Variants in SOX6 observed in about 807,000 individuals in gnomAD.
The protein encoded by SOX6 is transcription factor SOX-6.
SOX6 carries 11 observed loss-of-function variants against 97.8 expected under a neutral mutation model. The observed-to-expected ratio is 0.11, with a 90% confidence interval of 0.07 to 0.19. The LOEUF (loss-of-function observed/expected upper bound fraction) is 0.19, where lower values mean the gene tolerates loss of function less well. Ranked by LOEUF, SOX6 falls within the 10% of genes least tolerant of loss-of-function variation. The pLI is 1.00. For synonymous variants in SOX6, 360 were observed against 371.4 expected (o/e 0.97, Z 0.35); for missense variants, 810 against 1,039.5 (o/e 0.78, Z 3.04).
intron 6 of SOX6, among the ~76,000 whole-genome samples, chr11:16,179,314 C>T (rs1281489964): frequency 6.6e-6 from 1 of 151,804 alleles, no homozygotes; most frequent in Non-Finnish European, 1.5e-5. Flanking sequence ...TTTAATGATG[C>T]TCTACCACGT....
chr11:16,624,912 G>C (rs1848601705), intron 3 of SOX6, among the ~76,000 whole-genome samples: 1 of 152,092 alleles, frequency 6.6e-6, no homozygotes, highest in Non-Finnish European at 1.5e-5. Context: ...AACTATTTGT[G>C]TATAATACTT....
intron 1 of SOX6, among the ~76,000 whole-genome samples, chr11:16,442,763 C>G (rs1859529677): frequency 6.6e-6 from 1 of 152,086 alleles, no homozygotes. Context: ...ACATCACACT[C>G]CGTACAACTT....
intron 10 of SOX6, among the ~76,000 whole-genome samples, chr11:16,054,496 A>T (rs1398128115): frequency 6.6e-6 from 1 of 152,156 alleles, no homozygotes; most frequent in African/African-American, 2.4e-5. Context: ...CATTAAATTA[A>T]TTCCTTTGGC....
chr11:16,436,951 G>C (rs1859386676), intron 1 of SOX6, among the ~76,000 whole-genome samples: 1 of 151,982 alleles, frequency 6.6e-6, no homozygotes, highest in East Asian at 1.9e-4. Flanking sequence ...AAAAATGTAG[G>C]CACATTTAAG....
At chr11:15,974,659 A>G (rs937371316) in intron 15 of SOX6, among the ~76,000 whole-genome samples, 1 of 150,814 alleles carries the variant, frequency 6.6e-6, no homozygotes, top group Middle Eastern at 3.2e-3. Flanking sequence ...ATTCTTTGAC[A>G]TGTCCAGAGG....
In SOX6 at chr11:16,665,384, T is replaced by A. The variant is rs558585094; in HGVS notation, n.429+49446A>T. On this transcript the variant is annotated intron_variant and non_coding_transcript_variant, in intron 3 of 5. Coordinates refer to the SOX6 transcript ENST00000524520. ...GACTGAAGAGACCTTGGGCCTTGAA[T>A]GAACATTTGTGGTAGCAAGGCAATA... Among the ~76,000 whole-genome samples the A allele has an allele frequency of 5.3e-5, 8 of 152,240 alleles. No homozygotes were observed. In the South Asian group the frequency reaches 1.2e-3, roughly 24 times the overall value.
In SOX6 at chr11:16,621,263, C is replaced by T. The variant is rs1049057316; in HGVS notation, n.430-9003G>A. Among the ~76,000 whole-genome samples, 10 of 152,214 alleles carry T rather than the reference C, an allele frequency of 6.6e-5. No individual in the cohort carries two copies. The South Asian group carries it at 1.0e-3, about 16-fold the overall frequency. On this transcript the variant is annotated intron_variant and non_coding_transcript_variant, in intron 3 of 5. Transcript: ENST00000524520. ...TATTTTCTAATGTCCTTAAGGTAAA[C>T]TAAAAATCCTAAAATGAAAGAACTA... is the stretch of plus-strand genomic sequence containing the variant.
intron 4 of SOX6, among the ~76,000 whole-genome samples, chr11:16,210,538 T>C (rs1852192414): frequency 1.3e-5 from 2 of 152,150 alleles, no homozygotes; most frequent in South Asian, 4.1e-4. Context: ...CTGAGGGTGA[T>C]GTACATATTC....
Position 16,619,239 on chromosome 11 carries a change from C to CA in SOX6, n.430-6980dup, listed in dbSNP as rs1156399215. 9.6e-3 allele frequency among the ~76,000 whole-genome samples: 1,265 copies of CA among 132,118 alleles called. 16 individuals are homozygous for CA. The highest frequency in any genetic ancestry group is 0.032 in the African/African-American group (1,143 of 36,172). 86.7% of individuals were successfully genotyped at this position (132,118 alleles called of 152,430 possible). On this transcript the variant is annotated intron_variant and non_coding_transcript_variant, in intron 3 of 5. Coordinates refer to the SOX6 transcript ENST00000524520. Reference sequence around the variant, plus strand: ...TGTGATAATCATGAGCCCGTATTACCAAAAAAAAAAAGAAAAGAAACTAAA... The same window carrying CA: ...TGTGATAATCATGAGCCCGTATTACCAAAAAAAAAAAAGAAAAGAAACTAAA...
At chr11:16,617,188 T>C (rs1305945002) in intron 3 of SOX6, among the ~76,000 whole-genome samples, 1 of 151,900 alleles carries the variant, frequency 6.6e-6, no homozygotes, top group Non-Finnish European at 1.5e-5. Context: ...ATGTTTTCTA[T>C]GAGTTTGAAC....
chr11:16,453,049 C>T (rs1368251222), intron 1 of SOX6, among the ~76,000 whole-genome samples: 1 of 152,142 alleles, frequency 6.6e-6, no homozygotes, highest in Non-Finnish European at 1.5e-5. Flanking sequence ...ATGGCATAAA[C>T]AGGACAGGTG....
At chr11:16,086,402 A>G (rs1465941524) in intron 9 of SOX6, among the ~76,000 whole-genome samples, 3 of 152,184 alleles carry the variant, frequency 2.0e-5, no homozygotes, top group East Asian at 3.9e-4. Context: ...AAAGAGCAGC[A>G]AAGACTCTGT....
intron 1 of SOX6, among the ~76,000 whole-genome samples, chr11:16,410,831 CAG>C (rs1191345904): frequency 7.5e-6 from 1 of 133,880 alleles, no homozygotes; most frequent in Non-Finnish European, 1.6e-5. Context: ...AAAATGAAAA[CAG>C]ATGATATACT....
At chr11:16,488,914 G>A (rs1324566789) in intron 4 of SOX6, among the ~76,000 whole-genome samples, 1 of 152,128 alleles carries the variant, frequency 6.6e-6, no homozygotes, top group Non-Finnish European at 1.5e-5. Context: ...AAGTTTACAG[G>A]CAAGGAAACA....
chr11:16,383,604 C>G (rs1218723105), intron 1 of SOX6, among the ~76,000 whole-genome samples: 1 of 151,880 alleles, frequency 6.6e-6, no homozygotes, highest in African/African-American at 2.4e-5. Context: ...AGCACAGTGC[C>G]TAGCATATAC....
intron 3 of SOX6, among the ~76,000 whole-genome samples, chr11:16,614,619 C>T (rs1444569549): frequency 6.6e-6 from 1 of 152,268 alleles, no homozygotes; most frequent in Middle Eastern, 3.4e-3. Context: ...TAAAAGAATG[C>T]CAGGCTTAAG....
intron 15 of SOX6, among the ~76,000 whole-genome samples, chr11:15,980,981 C>G (rs1853637758): frequency 6.6e-6 from 1 of 152,092 alleles, no homozygotes. Flanking sequence ...AATAATGCCT[C>G]ATGTACCATA....
At position 16,236,209 on chromosome 11, in the gene SOX6, G is replaced by A. The variant is rs560465245; in HGVS notation, c.446-1538C>T. ...TTGGATTCTGAGTGATGTTCCAATG[G>A]AGCCTACATGCAGATGCATATGTTC... On this transcript the variant is annotated intron_variant, in intron 3 of 15. Transcript: ENST00000683767. 1.8e-4 allele frequency among the ~76,000 whole-genome samples: 28 copies of A among 152,048 alleles called. 1 individual carries two copies. In the South Asian group the frequency reaches 2.3e-3, roughly 12 times the overall value.
intron 6 of SOX6, among the ~76,000 whole-genome samples, chr11:16,127,949 T>C (rs974003129): frequency 6.6e-6 from 1 of 152,210 alleles, no homozygotes; most frequent in Admixed American, 6.5e-5. Flanking sequence ...AGTCACAGCA[T>C]GTGGTTTCTT....
Sources: gnomAD v4.1 joint callset for allele counts (sites outside exome capture counted in the v4.1 genomes callset) on GRCh38, gnomAD v4.1.1 for gene constraint, MANE v1.5 for transcripts, NCBI Gene and HGNC (gene_info 2026-07-23, HGNC 2026-07-21) for gene names.